CFAP47: variants seen among roughly 807,000 people sequenced by gnomAD.
The protein encoded by CFAP47 is cilia- and flagella-associated protein 47.
Under a neutral mutation model 148.1 loss-of-function variants are expected in CFAP47, and 29 were observed. The observed-to-expected ratio is 0.20, with a 90% CI of 0.15 to 0.27. CFAP47 has a LOEUF of 0.27. Among genes scored for constraint, CFAP47 ranks in the 10% least tolerant of loss-of-function variants. The probability of loss-of-function intolerance (pLI) is 1.00; values close to 1 mark genes in which losing one functional copy is unlikely to be tolerated. For missense variants in CFAP47, 1,872 were observed against 1,697.5 expected (o/e 1.10, Z -1.81); for synonymous variants, 664 against 577.3 (o/e 1.15, Z -2.15).
chrX:36,239,189 G>A (rs1254036271), intron 48 of CFAP47, among the ~76,000 whole-genome samples: 1 of 112,208 alleles, frequency 8.9e-6, no homozygotes, highest in Non-Finnish European at 1.9e-5. Context: ...GAAGACAAGA[G>A]ATGTGGGACT....
At chrX:36,089,493 G>T (rs768901218) in intron 30 of CFAP47, among the ~76,000 whole-genome samples, 68 of 112,080 alleles carry the variant, frequency 6.1e-4, no homozygotes, top group Middle Eastern at 4.6e-3. Flanking sequence ...ATATTTCAAA[G>T]AAACAATCCA....
rs1420786181 is a variant in CFAP47, at chrX:35,951,882, C to G, written c.965C>G (p.Thr322Ser). ...AGAAAAATAAAGAACATAGATACTA[C>G]TATCATTATCTCCTGTCTTCCTAAT... ...YIRKIKNIDT[T>S]IIISCLPNEG... is the part of the protein sequence containing the mutation. The change falls in exon 6 of 64, where the codon ACT becomes AGT. Residue 322 changes from threonine to serine, a missense_variant. By Grantham distance (58) the Thr-to-Ser change is moderately conservative. Coordinates refer to ENST00000378653, the MANE Select transcript of CFAP47 (RefSeq NM_001304548.2). The G allele has an allele frequency of 1.5e-5, 18 of 1,173,367 alleles. No individual in the cohort carries two copies. Among genetic ancestry groups the G allele is most frequent in the Non-Finnish European group, 1.9e-5 (17 of 884,144 alleles).
At chrX:36,075,103 C>T (rs1937822799) in intron 29 of CFAP47, among the ~76,000 whole-genome samples, 1 of 111,231 alleles carries the variant, frequency 9.0e-6, no homozygotes, top group Admixed American at 9.6e-5. Context: ...TTTCAATGTA[C>T]TGATTTCATT....
intron 22 of CFAP47, among the ~76,000 whole-genome samples, chrX:36,018,187 A>G (rs1226785194): frequency 1.8e-5 from 2 of 111,967 alleles, no homozygotes; most frequent in African/African-American, 6.5e-5. Flanking sequence ...GGCATATAGA[A>G]ATCTACTGGT....
intron 49 of CFAP47, among the ~76,000 whole-genome samples, chrX:36,272,621 A>G (rs1162169481): frequency 9.0e-6 from 1 of 110,764 alleles, no homozygotes; most frequent in East Asian, 2.8e-4. Flanking sequence ...AAAATCTTTA[A>G]AGGGCAGTAT....
At chrX:36,136,992 A>G (rs1939056399) in intron 33 of CFAP47, among the ~76,000 whole-genome samples, 1 of 111,559 alleles carries the variant, frequency 9.0e-6, no homozygotes, top group African/African-American at 3.3e-5. Flanking sequence ...GTTCAATGTC[A>G]TAGCTTCTCA....
intron 56 of CFAP47, among the ~76,000 whole-genome samples, chrX:36,316,900 T>A (rs1440727390): frequency 9.0e-6 from 1 of 111,570 alleles, no homozygotes; most frequent in Non-Finnish European, 1.9e-5. Flanking sequence ...ATTCTCCCAC[T>A]CCACCCTTCC....
At position 36,116,846 on chromosome X, in the gene CFAP47, A is replaced by G. The variant is rs193133933; in HGVS notation, c.5320+12155A>G. On this transcript the variant is annotated intron_variant, in intron 33 of 63. Coordinates refer to ENST00000378653, the MANE Select transcript of CFAP47 (RefSeq NM_001304548.2). Reference sequence around the variant, plus strand: ...GTGCTAGTAAATACTAGGTCTTATTAATTTTTTCTAACTATTTTTGTACCC... The same window carrying G: ...GTGCTAGTAAATACTAGGTCTTATTGATTTTTTCTAACTATTTTTGTACCC... Among the ~76,000 whole-genome samples, 3 of 111,210 alleles carry G rather than the reference A, an allele frequency of 2.7e-5. No individual in the cohort carries two copies. In the East Asian group the frequency reaches 8.5e-4, roughly 32 times the overall value.
In CFAP47 at chrX:35,919,957, T is replaced by A; in HGVS notation, c.158T>A (p.Met53Lys). 8.3e-7 allele frequency: 1 copy of A among 1,210,642 alleles called. No homozygotes were observed. The highest frequency in any genetic ancestry group is 1.1e-6 in the Non-Finnish European group (1 of 895,065). ...IPAEVKFLDT[M>K]AGRVYRLPIT... ...GCTGAGGTGAAGTTCCTGGACACGA[T>A]GGCCGGGAGGGTGTACCGCCTCCCG... The change falls in exon 1 of 64, where the codon ATG becomes AAG. Residue 53 changes from methionine to lysine, a missense_variant. Met to Lys is a moderately conservative substitution (Grantham distance 95). Transcript: ENST00000378653.
At chrX:36,244,925 G>A (rs1940596649) in intron 48 of CFAP47, among the ~76,000 whole-genome samples, 1 of 110,828 alleles carries the variant, frequency 9.0e-6, no homozygotes, top group African/African-American at 3.3e-5. Context: ...ACTTGAGGCC[G>A]ATATCCCTGA....
intron 15 of CFAP47, among the ~76,000 whole-genome samples, chrX:35,976,313 T>G (rs990018528): frequency 3.6e-5 from 4 of 111,037 alleles, no homozygotes; most frequent in Non-Finnish European, 3.8e-5. Context: ...GAGGCAGAAT[T>G]TATTATTCCT....
intron 2 of CFAP47, among the ~76,000 whole-genome samples, chrX:35,937,425 G>A (rs1188535170): frequency 2.7e-5 from 3 of 109,894 alleles, no homozygotes; most frequent in African/African-American, 9.9e-5. Context: ...GAGACACCCT[G>A]CTGCTATTGT....
At chrX:35,982,237 G>A (rs1281964428) in intron 15 of CFAP47, among the ~76,000 whole-genome samples, 1 of 111,321 alleles carries the variant, frequency 9.0e-6, no homozygotes, top group African/African-American at 3.3e-5. Flanking sequence ...ATCTCATCGT[G>A]GTTTTGATTT....
chrX:36,182,748 C>T (rs1373235059), intron 40 of CFAP47, among the ~76,000 whole-genome samples: 2 of 108,607 alleles, frequency 1.8e-5, no homozygotes, highest in Non-Finnish European at 3.8e-5. Flanking sequence ...GCAAGTAAAA[C>T]AAGAAAATGT....
At chrX:35,988,129 G>C (rs1197710487) in intron 15 of CFAP47, among the ~76,000 whole-genome samples, 1 of 111,641 alleles carries the variant, frequency 9.0e-6, no homozygotes, top group African/African-American at 3.3e-5. Context: ...ATTGAGAAAG[G>C]CCACATGGTA....
intron 26 of CFAP47, among the ~76,000 whole-genome samples, chrX:36,048,969 T>C (rs1261214376): frequency 9.0e-6 from 1 of 111,094 alleles, no homozygotes; most frequent in Non-Finnish European, 1.9e-5. Context: ...AGGAACAGAT[T>C]ATGAAAGTCG....
intron 57 of CFAP47, 60 bp downstream of exon 57, chrX:36,319,367 G>T (rs976292358): frequency 2.0e-6 from 1 of 502,020 alleles, no homozygotes; most frequent in African/African-American, 2.5e-5. Context: ...CAGAGATAAT[G>T]AAATATATGT....
chrX:35,936,614 T>C (rs113794633), intron 2 of CFAP47, among the ~76,000 whole-genome samples: 2,023 of 110,877 alleles, frequency 0.018, 49 homozygotes, highest in African/African-American at 0.062. Flanking sequence ...TTTTCTGTTA[T>C]GTTAGGAGAC....
chrX:35,946,087 G>C (rs1362851548), intron 3 of CFAP47, among the ~76,000 whole-genome samples: 1 of 109,519 alleles, frequency 9.1e-6, no homozygotes, highest in Non-Finnish European at 1.9e-5. Context: ...TGACCAGGCT[G>C]GTCTCGAACT....
Sources: gnomAD v4.1 joint callset for allele counts (sites outside exome capture counted in the v4.1 genomes callset) on GRCh38, gnomAD v4.1.1 for gene constraint, MANE v1.5 for transcripts, NCBI Gene and HGNC (gene_info 2026-07-23, HGNC 2026-07-21) for gene names.